Variants in CYB5D2 observed in about 807,000 individuals in gnomAD.
CYB5D2 encodes neuferricin.
A neutral mutation model predicts 22.8 loss-of-function variants in CYB5D2; 23 were observed. The observed-to-expected ratio is 1.01, with a 90% CI of 0.73 to 1.43. The LOEUF (loss-of-function observed/expected upper bound fraction) is 1.43. Among genes scored for constraint, CYB5D2 ranks in the 40% most tolerant of loss-of-function variants. The pLI is 0.00. For missense variants in CYB5D2, 373 were observed against 357.2 expected (o/e 1.04, Z -0.36); for synonymous variants, 170 against 152.2 (o/e 1.12, Z -0.86).
At chr17:4,145,538 G>T (rs1306464093) in intron 1 of CYB5D2, among the ~76,000 whole-genome samples, 1 of 152,204 alleles carries the variant, frequency 6.6e-6, no homozygotes, top group Non-Finnish European at 1.5e-5. Flanking sequence ...AACCTTCGAT[G>T]TCTGGAGTGC....
chr17:4,148,446 G>C (rs1238247919), intron 1 of CYB5D2, among the ~76,000 whole-genome samples: 2 of 150,796 alleles, frequency 1.3e-5, no homozygotes, highest in Non-Finnish European at 2.9e-5. Flanking sequence ...GAACCCGGGA[G>C]GTAGAGGTTG....
At chr17:4,145,276 C>T (rs2058975308) in intron 1 of CYB5D2, among the ~76,000 whole-genome samples, 1 of 152,204 alleles carries the variant, frequency 6.6e-6, no homozygotes, top group African/African-American at 2.4e-5. Flanking sequence ...CAAGCCACTT[C>T]CCTCTGTCTA....
At chr17:4,152,577 A>G (rs2059069820) in intron 2 of CYB5D2, among the ~76,000 whole-genome samples, 1 of 152,120 alleles carries the variant, frequency 6.6e-6, no homozygotes, top group Admixed American at 6.5e-5. Flanking sequence ...CTCTGCTACT[A>G]CTGTCCTCTC....
rs930163818 is a variant in CYB5D2, at chr17:4,154,796, T to C, written c.514T>C (p.Phe172Leu). 1 of 1,614,108 alleles carries C rather than the reference T, an allele frequency of 6.2e-7. No homozygotes were observed. Among genetic ancestry groups the C allele is most frequent in the South Asian group, 1.1e-5 (1 of 91,088 alleles). Residue 172 changes from phenylalanine to leucine, a missense_variant, in exon 3 of 4, where the codon TTC (phenylalanine) becomes CTC (leucine). Phe to Leu is a conservative substitution (Grantham distance 22). Transcript: ENST00000301391. ...ACTACAGCTGCAAGAGAAGCAGACA[T>C]TCCCGCCGTGCAACGCGGAGTGGAG... is the stretch of plus-strand genomic sequence containing the variant. ...NKLQLQEKQT[F>L]PPCNAEWSSA...
chr17:4,144,086 T>C (rs553236225), intron 1 of CYB5D2, 81 bp downstream of exon 1: 1 of 1,501,894 alleles, frequency 6.7e-7, no homozygotes, highest in African/African-American at 1.4e-5. Flanking sequence ...GGTTCATTAT[T>C]CATCTATTTC....
At chr17:4,144,517 A>AT (rs1460308073) in intron 1 of CYB5D2, among the ~76,000 whole-genome samples, 1 of 152,056 alleles carries the variant, frequency 6.6e-6, no homozygotes, top group Non-Finnish European at 1.5e-5. Context: ...GGCCCGTCAT[A>AT]TAGTACATTT....
Position 4,143,751 on chromosome 17 carries a change from T to G in CYB5D2, c.-5T>G, listed in dbSNP as rs754383666. 2 of 1,612,728 alleles carry G rather than the reference T, an allele frequency of 1.2e-6. No individual in the cohort carries two copies. Among genetic ancestry groups the G allele is most frequent in the Non-Finnish European group, 8.5e-7 (1 of 1,179,526 alleles). The stretch of plus-strand genomic sequence containing the variant: ...CGGAAGTGCGGAGCGGGTGGGCCTA[T>G]ATAGATGTTGAGGTGCGGAGGCCGT... On this transcript the variant is annotated 5_prime_UTR_variant, in exon 1 of 4. Coordinates refer to ENST00000301391, the MANE Select transcript of CYB5D2 (RefSeq NM_144611.4).
At chr17:4,155,407 C>G (rs933632898) in intron 3 of CYB5D2, among the ~76,000 whole-genome samples, 1 of 152,074 alleles carries the variant, frequency 6.6e-6, no homozygotes, top group African/African-American at 2.4e-5. Flanking sequence ...CGCTTGAGCT[C>G]AGGAGTTGGA....
Position 4,143,726 on chromosome 17 carries a change from C to T in CYB5D2, c.-30C>T. On this transcript the variant is annotated 5_prime_UTR_variant, in exon 1 of 4. Transcript: ENST00000301391. ...TAGCTGTAGATAGAGGCGGCAACCTCGGAAGTGCGGAGCGGGTGGGCCTAT... is the reference window on the plus strand; with the variant it reads ...TAGCTGTAGATAGAGGCGGCAACCTTGGAAGTGCGGAGCGGGTGGGCCTAT... The T allele has an allele frequency of 1.3e-6, 2 of 1,583,572 alleles. No homozygotes were observed. The highest frequency in any genetic ancestry group is 1.7e-6 in the Non-Finnish European group (2 of 1,161,532).
intron 2 of CYB5D2, among the ~76,000 whole-genome samples, chr17:4,154,286 A>G (rs2059089162): frequency 6.6e-6 from 1 of 152,224 alleles, no homozygotes; most frequent in Admixed American, 6.5e-5. Flanking sequence ...TCTCTATTAT[A>G]ATAAACATTT....
At chr17:4,155,435 T>A (rs994034425) in intron 3 of CYB5D2, among the ~76,000 whole-genome samples, 2 of 151,704 alleles carry the variant, frequency 1.3e-5, no homozygotes, top group Non-Finnish European at 2.9e-5. Flanking sequence ...CTGGGCAACA[T>A]AACAAAAAAA....
At chr17:4,144,145 C>T (rs1419281038) in intron 1 of CYB5D2, 140 bp downstream of exon 1, 10 of 1,213,280 alleles carry the variant, frequency 8.2e-6, no homozygotes, top group Admixed American at 5.5e-5. Context: ...GTGGGCGGGA[C>T]GAGCTGCATG....
chr17:4,152,566 C>T (rs1305270793), intron 2 of CYB5D2, among the ~76,000 whole-genome samples: 1 of 152,136 alleles, frequency 6.6e-6, no homozygotes, highest in East Asian at 1.9e-4. Context: ...TCCTCTGTTG[C>T]CTCTGCTACT....
chr17:4,143,742 G>A lies in CYB5D2; in HGVS notation c.-14G>A, dbSNP rs774034912. 3 of 1,604,384 alleles carry A rather than the reference G, an allele frequency of 1.9e-6. No homozygotes were observed. Among genetic ancestry groups the A allele is most frequent in the Middle Eastern group, 1.8e-4 (1 of 5,550 alleles). On this transcript the variant is annotated 5_prime_UTR_variant, in exon 1 of 4. It adds an upstream start codon to the 5' untranslated region. Coordinates refer to ENST00000301391, the MANE Select transcript of CYB5D2 (RefSeq NM_144611.4). ...CGGCAACCTCGGAAGTGCGGAGCGG[G>A]TGGGCCTATATAGATGTTGAGGTGC...
chr17:4,152,656 C>T (rs1417398792), intron 2 of CYB5D2, among the ~76,000 whole-genome samples: 5 of 152,208 alleles, frequency 3.3e-5, no homozygotes, highest in African/African-American at 4.8e-5. Flanking sequence ...CCCCAACCCC[C>T]GTAGTGGGAA....
Position 4,154,800 on chromosome 17 carries a change from C to T in CYB5D2, c.518C>T (p.Pro173Leu), listed in dbSNP as rs144989131. 9.9e-5 allele frequency: 159 copies of T among 1,614,158 alleles called. No individual in the cohort carries two copies. The highest frequency in any genetic ancestry group is 8.5e-4 in the African/African-American group (64 of 75,020). ...KLQLQEKQTF[P>L]PCNAEWSSAR... ...CAGCTGCAAGAGAAGCAGACATTCC[C>T]GCCGTGCAACGCGGAGTGGAGCTCA... Residue 173 changes from proline (P) to leucine (L), a missense_variant, in exon 3 of 4, where the codon CCG becomes CTG. By Grantham distance (98) the Pro-to-Leu change is moderately conservative. Transcript: ENST00000301391.
intron 1 of CYB5D2, among the ~76,000 whole-genome samples, chr17:4,145,608 C>T (rs2058981335): frequency 6.6e-6 from 1 of 152,172 alleles, no homozygotes; most frequent in Admixed American, 6.5e-5. Flanking sequence ...TATTCATTGA[C>T]CATCTTTATT....
rs910745836 is a variant in CYB5D2, at chr17:4,144,249, C to T, written c.250+244C>T. On this transcript the variant is annotated intron_variant, in intron 1 of 3. Transcript: ENST00000301391. Reference sequence around the variant, plus strand: ...CGTGACTTACATTGGAGAAACATGTCTTCTGTCTCTTGTTACCCATTACCC... The same window carrying T: ...CGTGACTTACATTGGAGAAACATGTTTTCTGTCTCTTGTTACCCATTACCC... Among the ~76,000 whole-genome samples, 10 of 152,180 alleles carry T rather than the reference C, an allele frequency of 6.6e-5. No individual in the cohort carries two copies. The East Asian group carries it at 7.7e-4, about 12-fold the overall frequency.
intron 1 of CYB5D2, among the ~76,000 whole-genome samples, chr17:4,146,903 C>T (rs1489017293): frequency 1.3e-5 from 2 of 152,068 alleles, no homozygotes; most frequent in South Asian, 2.1e-4. Flanking sequence ...TGTCTGGCTT[C>T]TTTCACCTAG....
Sources: gnomAD v4.1 joint callset for allele counts (sites outside exome capture counted in the v4.1 genomes callset) on GRCh38, gnomAD v4.1.1 for gene constraint, MANE v1.5 for transcripts, NCBI Gene and HGNC (gene_info 2026-07-23, HGNC 2026-07-21) for gene names.